ELP4: variants seen among roughly 807,000 people sequenced by gnomAD.
ELP4 encodes elongator complex protein 4.
A neutral mutation model predicts 48.9 loss-of-function variants in ELP4; 51 were observed. The observed-to-expected ratio is 1.04, with a 90% confidence interval of 0.83 to 1.32. ELP4 has a LOEUF of 1.32. ELP4 is among the 40% of genes most tolerant of loss of function. The pLI is 0.00. For synonymous variants in ELP4, 210 were observed against 189.2 expected, an observed-to-expected ratio of 1.11 and a Z score of -0.90; for missense variants, 519 against 514.6, an observed-to-expected ratio of 1.01 and a Z score of -0.08.
intron 9 of ELP4, among the ~76,000 whole-genome samples, chr11:31,778,924 A>G (rs75452812): frequency 6.9e-4 from 105 of 152,162 alleles, no homozygotes; most frequent in Non-Finnish European, 1.2e-3. Context: ...ACTGTATTTT[A>G]TTGTCCAGGC....
chr11:31,668,520 C>G (rs1371805184), intron 9 of ELP4, among the ~76,000 whole-genome samples: 3 of 148,820 alleles, frequency 2.0e-5, no homozygotes, highest in Non-Finnish European at 4.4e-5. Context: ...GAGACAAGGG[C>G]TGGCTATGTT....
intron 7 of ELP4, among the ~76,000 whole-genome samples, chr11:31,639,160 C>A (rs1945038214): frequency 6.6e-6 from 1 of 151,542 alleles, no homozygotes; most frequent in South Asian, 2.1e-4. Flanking sequence ...TTTATGAATT[C>A]TTTTCTTAAT....
intron 2 of ELP4, among the ~76,000 whole-genome samples, chr11:31,527,139 A>T (rs1487810434): frequency 6.6e-6 from 1 of 151,478 alleles, no homozygotes; most frequent in Non-Finnish European, 1.5e-5. Context: ...TTCTTGAAGT[A>T]CTCCCTTCCT....
intron 1 of ELP4, among the ~76,000 whole-genome samples, chr11:31,515,154 T>C (rs985683068): frequency 6.6e-6 from 1 of 151,966 alleles, no homozygotes; most frequent in Non-Finnish European, 1.5e-5. Flanking sequence ...GAGTTACATC[T>C]TATTCCCCAC....
intron 9 of ELP4, among the ~76,000 whole-genome samples, chr11:31,696,153 G>A (rs1029513459): frequency 1.3e-5 from 2 of 151,972 alleles, no homozygotes; most frequent in South Asian, 2.1e-4. Context: ...AGGGTTTTTT[G>A]TGTCTCTATC....
At chr11:31,660,982 A>C (rs756406109) in intron 9 of ELP4, among the ~76,000 whole-genome samples, 20 of 152,196 alleles carry the variant, frequency 1.3e-4, no homozygotes, top group Non-Finnish European at 2.8e-4. Flanking sequence ...CAACAATTTT[A>C]ATACACTTAG....
chr11:31,741,861 A>G (rs561843265), intron 9 of ELP4, among the ~76,000 whole-genome samples: 3 of 152,356 alleles, frequency 2.0e-5, no homozygotes, highest in Non-Finnish European at 4.4e-5. Context: ...AAAGGAACGC[A>G]GCTCCTCACC....
At chr11:31,775,632 C>T (rs1015974343) in intron 9 of ELP4, among the ~76,000 whole-genome samples, 7 of 151,820 alleles carry the variant, frequency 4.6e-5, no homozygotes, top group Non-Finnish European at 1.0e-4. Flanking sequence ...CCCAGGAGTT[C>T]GAGACCAGCC....
chr11:31,782,041 A>G (rs1948389065), intron 9 of ELP4, among the ~76,000 whole-genome samples: 1 of 152,132 alleles, frequency 6.6e-6, no homozygotes, highest in African/African-American at 2.4e-5. Context: ...GACCCCGTTA[A>G]CCTTTCTGAC....
At chr11:31,746,853 C>T (rs1027667573) in intron 9 of ELP4, among the ~76,000 whole-genome samples, 17 of 151,912 alleles carry the variant, frequency 1.1e-4, no homozygotes, top group African/African-American at 3.9e-4. Context: ...CAAACCTGCA[C>T]GTTGTGCACA....
At chr11:31,769,313 C>G (rs1948094326) in intron 9 of ELP4, among the ~76,000 whole-genome samples, 1 of 152,100 alleles carries the variant, frequency 6.6e-6, no homozygotes, top group Admixed American at 6.6e-5. Flanking sequence ...GGCTATTATG[C>G]TCTGAGGACT....
At chr11:31,679,662 G>T (rs184256244) in intron 9 of ELP4, among the ~76,000 whole-genome samples, 1 of 152,062 alleles carries the variant, frequency 6.6e-6, no homozygotes, top group South Asian at 2.1e-4. Context: ...GATACTATGC[G>T]TAAGGGCTTT....
chr11:31,605,764 C>T (rs1957863398), intron 5 of ELP4, among the ~76,000 whole-genome samples: 1 of 152,094 alleles, frequency 6.6e-6, no homozygotes, highest in Non-Finnish European at 1.5e-5. Flanking sequence ...GGTACTCTCC[C>T]AGACGTTTGA....
At chr11:31,619,418 A>T (rs1410372827) in intron 5 of ELP4, among the ~76,000 whole-genome samples, 1 of 152,010 alleles carries the variant, frequency 6.6e-6, no homozygotes, top group Admixed American at 6.6e-5. Flanking sequence ...CTTATAAATA[A>T]CAGAAATGTA....
intron 2 of ELP4, among the ~76,000 whole-genome samples, chr11:31,521,327 T>C (rs1380117899): frequency 3.3e-5 from 5 of 151,870 alleles, no homozygotes; most frequent in Non-Finnish European, 7.4e-5. Context: ...CAGAAGATAC[T>C]AAATATACTT....
In ELP4 at chr11:31,545,844, A is replaced by T. The variant is rs200765846; in HGVS notation, c.381+6061A>T. On this transcript the variant is annotated intron_variant, in intron 3 of 9. Transcript: ENST00000640961. ...GGGCCAATATTGAACATTCTTAAAG[A>T]AAAGAATATTCAACCCAGAATTTCA... is the stretch of plus-strand genomic sequence containing the variant. Among the ~76,000 whole-genome samples, 15 of 152,324 alleles carry T rather than the reference A, an allele frequency of 9.8e-5. No homozygotes were observed. In the East Asian group the frequency reaches 2.9e-3, roughly 29 times the overall value.
chr11:31,528,879 A>G (rs1328525810), intron 2 of ELP4, among the ~76,000 whole-genome samples: 1 of 152,180 alleles, frequency 6.6e-6, no homozygotes, highest in Admixed American at 6.5e-5. Flanking sequence ...AAAAAGATTT[A>G]GGATTTTTCA....
intron 3 of ELP4, among the ~76,000 whole-genome samples, chr11:31,591,486 C>A (rs1395808666): frequency 6.6e-6 from 1 of 151,082 alleles, no homozygotes; most frequent in Non-Finnish European, 1.5e-5. Context: ...GATGGCCAAC[C>A]CAGCACATGA....
chr11:31,570,627 C>T (rs1957178381), intron 3 of ELP4, among the ~76,000 whole-genome samples: 1 of 151,490 alleles, frequency 6.6e-6, no homozygotes, highest in Non-Finnish European at 1.5e-5. Context: ...ACCACCACAC[C>T]CAACTAATTT....
Sources: allele counts gnomAD v4.1 joint callset (sites outside exome capture counted in the v4.1 genomes callset), GRCh38; gene constraint gnomAD v4.1.1; transcripts MANE v1.5; gene names NCBI Gene and HGNC (gene_info 2026-07-23, HGNC 2026-07-21).